Variants in UBE2E3 observed in about 807,000 individuals in gnomAD.
The protein encoded by UBE2E3 is ubiquitin conjugating enzyme E2 E3.
Under a neutral mutation model 23.6 loss-of-function variants are expected in UBE2E3, and 5 were observed. The observed-to-expected ratio is 0.21, with a 90% CI of 0.11 to 0.44. The LOEUF (loss-of-function observed/expected upper bound fraction) is 0.44. Ranked by LOEUF, UBE2E3 falls within the 20% of genes least tolerant of loss-of-function variation. The probability of loss-of-function intolerance (pLI) is 0.99; values close to 1 mark genes in which losing one functional copy is unlikely to be tolerated. For missense variants in UBE2E3, 81 were observed against 249.8 expected (o/e 0.32, Z 4.55); for synonymous variants, 78 against 87.5 (o/e 0.89, Z 0.60).
intron 4 of UBE2E3, among the ~76,000 whole-genome samples, chr2:181,059,469 A>G (rs1355114703): frequency 6.6e-6 from 1 of 151,882 alleles, no homozygotes; most frequent in East Asian, 1.9e-4. Flanking sequence ...TACATGTATA[A>G]TTTTAAATTT....
chr2:180,997,005 G>T (rs1684840801), intron 3 of UBE2E3, among the ~76,000 whole-genome samples: 1 of 151,768 alleles, frequency 6.6e-6, no homozygotes, highest in South Asian at 2.1e-4. Context: ...ATGTGACTCT[G>T]TGTATCCCTT....
rs145982926 is a variant in UBE2E3 at position 181,007,399 on chromosome 2, C to T, written c.245+23306C>T. 1.2e-4 allele frequency among the ~76,000 whole-genome samples: 19 copies of T among 152,218 alleles called. No individual in the cohort carries two copies. The East Asian group carries it at 3.7e-3, about 29-fold the overall frequency. Reference sequence around the variant, plus strand: ...TGTTGCTCCCTATTGATAATCAGACCTTGTGAGTACTTTCATCATTTTATA... The same window carrying T: ...TGTTGCTCCCTATTGATAATCAGACTTTGTGAGTACTTTCATCATTTTATA... On this transcript the variant is annotated intron_variant, in intron 3 of 5. Coordinates refer to ENST00000410062, the MANE Select transcript of UBE2E3 (RefSeq NM_006357.4).
intron 3 of UBE2E3, among the ~76,000 whole-genome samples, chr2:181,023,225 C>T (rs943720820): frequency 1.3e-5 from 2 of 152,152 alleles, no homozygotes; most frequent in Admixed American, 1.3e-4. Flanking sequence ...AATTCACAGA[C>T]ACAAAATCCC....
chr2:181,045,550 T>A (rs1234148775), intron 3 of UBE2E3, among the ~76,000 whole-genome samples: 1 of 152,160 alleles, frequency 6.6e-6, no homozygotes, highest in Non-Finnish European at 1.5e-5. Context: ...GAATCATGGC[T>A]GAGCATTTTA....
chr2:180,992,390 T>A (rs1684687637), intron 3 of UBE2E3, among the ~76,000 whole-genome samples: 1 of 152,184 alleles, frequency 6.6e-6, no homozygotes, highest in South Asian at 2.1e-4. Context: ...TTAAGTGCAA[T>A]TAGACTATAA....
intron 4 of UBE2E3, among the ~76,000 whole-genome samples, chr2:181,059,142 C>T (rs1453814537): frequency 6.6e-6 from 1 of 151,650 alleles, no homozygotes; most frequent in Non-Finnish European, 1.5e-5. Flanking sequence ...TTAGTGTTCA[C>T]TCTGTTGCTG....
intron 3 of UBE2E3, among the ~76,000 whole-genome samples, chr2:181,033,929 C>T (rs1248955668): frequency 2.0e-5 from 3 of 152,142 alleles, no homozygotes; most frequent in Admixed American, 1.3e-4. Context: ...TGAAAAAATG[C>T]TCATCATCAC....
intron 3 of UBE2E3, among the ~76,000 whole-genome samples, chr2:181,015,169 A>G (rs1203881302): frequency 6.6e-6 from 1 of 152,184 alleles, no homozygotes; most frequent in African/African-American, 2.4e-5. Context: ...AGACAACAAA[A>G]AGGGTGGAAT....
chr2:181,033,517 AC>A (rs1686157160), intron 3 of UBE2E3, among the ~76,000 whole-genome samples: 1 of 151,998 alleles, frequency 6.6e-6, no homozygotes, highest in Non-Finnish European at 1.5e-5. Flanking sequence ...TACACCTTAT[AC>A]AAAAATTAAT....
At chr2:180,991,702 G>A (rs1285819600) in intron 3 of UBE2E3, among the ~76,000 whole-genome samples, 1 of 152,132 alleles carries the variant, frequency 6.6e-6, no homozygotes, top group Non-Finnish European at 1.5e-5. Flanking sequence ...TGTATTTTAT[G>A]TGTGGCCCAA....
rs1684258405 is a variant in UBE2E3, at chr2:180,980,861, C to CTCCCCCCCCT, written c.-128_-119dup. On this transcript the variant is annotated 5_prime_UTR_variant, in exon 1 of 6. An upstream open reading frame in the 5' UTR gains an earlier in-frame stop. Coordinates refer to ENST00000410062, the MANE Select transcript of UBE2E3 (RefSeq NM_006357.4). This position sits in a 1 kb window ranked among gnomAD's most constrained non-coding sequence, Gnocchi z 5.5. ...GAGCCTCCTCGGCTTCTTTTTTTCCCTCCCCCCCCTTCCCCCCCCCACAGC... is the reference window on the plus strand; with the variant it reads ...GAGCCTCCTCGGCTTCTTTTTTTCCCTCCCCCCCCTTCCCCCCCCTTCCCCCCCCCACAGC... 1 of 149,504 alleles carries CTCCCCCCCCT rather than the reference C, an allele frequency of 6.7e-6. No individual in the cohort carries two copies. The highest frequency in any genetic ancestry group is 2.4e-5 in the African/African-American group (1 of 41,194). 9.3% of individuals were successfully genotyped at this position (149,504 alleles called of 1,614,324 possible).
intron 3 of UBE2E3, among the ~76,000 whole-genome samples, chr2:181,054,387 T>C (rs1191378964): frequency 6.6e-6 from 1 of 151,474 alleles, no homozygotes; most frequent in Non-Finnish European, 1.5e-5. Flanking sequence ...TTACTCCACA[T>C]TTTCTTCAGC....
chr2:181,047,301 T>C (rs1289859493), intron 3 of UBE2E3, among the ~76,000 whole-genome samples: 1 of 152,136 alleles, frequency 6.6e-6, no homozygotes, highest in African/African-American at 2.4e-5. Context: ...AGGTATCATC[T>C]CGCCTTCTTA....
intron 3 of UBE2E3, among the ~76,000 whole-genome samples, chr2:180,990,423 T>G (rs983827274): frequency 2.0e-5 from 3 of 152,212 alleles, no homozygotes; most frequent in African/African-American, 4.8e-5. Flanking sequence ...ATAGTTTGCT[T>G]TTGACTGTTT....
intron 3 of UBE2E3, among the ~76,000 whole-genome samples, chr2:181,052,364 A>G (rs545658600): frequency 6.6e-6 from 1 of 151,852 alleles, no homozygotes; most frequent in African/African-American, 2.4e-5. Context: ...TTCTCTTATC[A>G]CTAGAGACAG....
chr2:181,042,039 A>T (rs899421595), intron 3 of UBE2E3, among the ~76,000 whole-genome samples: 1 of 152,210 alleles, frequency 6.6e-6, no homozygotes, highest in Non-Finnish European at 1.5e-5. Context: ...CTAAGAAATT[A>T]ATATTGGTAA....
intron 3 of UBE2E3, among the ~76,000 whole-genome samples, chr2:181,012,203 A>T (rs1320523548): frequency 6.6e-6 from 1 of 152,186 alleles, no homozygotes; most frequent in East Asian, 1.9e-4. Context: ...CACTTACTAC[A>T]TTAACAACAC....
At chr2:181,042,051 T>A (rs1403511737) in intron 3 of UBE2E3, among the ~76,000 whole-genome samples, 1 of 152,254 alleles carries the variant, frequency 6.6e-6, no homozygotes, top group African/African-American at 2.4e-5. Flanking sequence ...TATTGGTAAC[T>A]TAATATTAAC....
At position 181,037,434 on chromosome 2, in the gene UBE2E3, C is replaced by T. The variant is rs182205128; in HGVS notation, c.246-20259C>T. Among the ~76,000 whole-genome samples, 235 of 151,894 alleles carry T rather than the reference C, an allele frequency of 1.5e-3. 2 individuals are homozygous for T. The highest frequency in any genetic ancestry group is 5.1e-3 in the African/African-American group (211 of 41,376). On this transcript the variant is annotated intron_variant, in intron 3 of 5. Transcript: ENST00000410062. ...GACCCTACAGTGGAACAGGATGTGG[C>T]GGTGGAAGACAGTAGTGATATATAT...
Sources: gnomAD v4.1 joint callset for allele counts (sites outside exome capture counted in the v4.1 genomes callset) on GRCh38, gnomAD v4.1.1 for gene constraint, Gnocchi (gnomAD v3.1) non-coding constraint, MANE v1.5 for transcripts, NCBI Gene and HGNC (gene_info 2026-07-23, HGNC 2026-07-21) for gene names.